The following CCDC7 variants were observed in gnomAD, a reference collection of about 807,000 sequenced individuals.
The protein encoded by CCDC7 is coiled-coil domain containing 7, also known as coiled-coil domain-containing protein 7.
CCDC7 carries 183 observed loss-of-function variants against 196.9 expected under a neutral mutation model. The observed-to-expected ratio is 0.93, with a 90% CI of 0.82 to 1.05. The LOEUF (loss-of-function observed/expected upper bound fraction) is 1.05. CCDC7 is among the 50% of genes least tolerant of loss of function. The pLI is 0.00. For missense variants in CCDC7, 1,540 were observed against 1,482.2 expected (o/e 1.04, Z -0.64); for synonymous variants, 525 against 484.6 (o/e 1.08, Z -1.10).
chr10:32,525,012 C>A (rs1363394258), intron 11 of CCDC7, among the ~76,000 whole-genome samples: 1 of 151,852 alleles, frequency 6.6e-6, no homozygotes, highest in Non-Finnish European at 1.5e-5. Flanking sequence ...TCTTAAAGTG[C>A]CCTCATGAGG....
chr10:32,542,349 A>G lies in CCDC7; in HGVS notation c.994-951A>G, dbSNP rs2051590352. Among the ~76,000 whole-genome samples, 5 of 152,282 alleles carry G rather than the reference A, an allele frequency of 3.3e-5. No homozygotes were observed. In the South Asian group the frequency reaches 1.0e-3, roughly 32 times the overall value. ...TGCAAAAACAATGAGTGAAAGCAGAAAGGCCGGGTGCAGTGTCTCGTGCCT... is the reference window on the plus strand; with the variant it reads ...TGCAAAAACAATGAGTGAAAGCAGAGAGGCCGGGTGCAGTGTCTCGTGCCT... On this transcript the variant is annotated intron_variant, in intron 11 of 41. Transcript: ENST00000639629.
chr10:32,590,727 T>C (rs911158288), intron 18 of CCDC7, among the ~76,000 whole-genome samples: 1 of 152,192 alleles, frequency 6.6e-6, no homozygotes, highest in Non-Finnish European at 1.5e-5. Context: ...TTTTCCTTTA[T>C]GCTTAAAGCA....
chr10:32,571,861 C>T, exon 16 of CCDC7: 1 of 1,567,346 alleles, frequency 6.4e-7, no homozygotes, highest in Middle Eastern at 1.7e-4. Context: ...TATCACAGAT[C>T]ACTGCCCAAA....
At chr10:32,527,757 T>C (rs2048898650) in intron 11 of CCDC7, among the ~76,000 whole-genome samples, 2 of 152,254 alleles carry the variant, frequency 1.3e-5, no homozygotes, top group South Asian at 4.2e-4. Context: ...ATCTGAGAAG[T>C]AGTCTGTTTT....
intron 29 of CCDC7, among the ~76,000 whole-genome samples, chr10:32,792,156 G>A (rs937889057): frequency 3.3e-5 from 5 of 152,024 alleles, no homozygotes; most frequent in Non-Finnish European, 5.9e-5. Flanking sequence ...AAAACGTGAG[G>A]GAATTTATTA....
At chr10:32,480,978 T>C (rs1214642134) in intron 8 of CCDC7, among the ~76,000 whole-genome samples, 2 of 152,208 alleles carry the variant, frequency 1.3e-5, no homozygotes, top group African/African-American at 4.8e-5. Context: ...TATTGCTGTC[T>C]ATCTCTCTCT....
chr10:32,776,281 TAA>T lies in CCDC7; in HGVS notation c.2906-2687_2906-2686del, dbSNP rs56752014. ...ATGTACCCTAAAACTTGAAGTATAA[TAA>T]AAAAAAAATCTAGATTTCTAGCTTC... On this transcript the variant is annotated intron_variant, in intron 28 of 41. Transcript: ENST00000639629. 7.4e-5 allele frequency among the ~76,000 whole-genome samples: 11 copies of T among 149,392 alleles called. No individual in the cohort carries two copies. In the East Asian group the frequency reaches 1.6e-3, roughly 21 times the overall value.
At chr10:32,801,997 T>C (rs1197808843) in intron 29 of CCDC7, among the ~76,000 whole-genome samples, 2 of 152,222 alleles carry the variant, frequency 1.3e-5, no homozygotes, top group South Asian at 4.1e-4. Flanking sequence ...GTCCTCACTT[T>C]AATAGTGGAT....
rs143900229 is a variant in CCDC7 at position 32,644,294 on chromosome 10, T to A, written c.2014+9136T>A. Among the ~76,000 whole-genome samples, 897 of 152,294 alleles carry A rather than the reference T, an allele frequency of 5.9e-3. 6 individuals carry two copies. Among genetic ancestry groups the A allele is most frequent in the Admixed American group, 9.9e-3 (151 of 15,300 alleles). On this transcript the variant is annotated intron_variant, in intron 20 of 41. Transcript: ENST00000639629. ...TACTGTGGAACAGAACACTAAAACT[T>A]CTTCTTCATGTCTAACTGTATCTGT...
At chr10:32,689,203 A>G in intron 23 of CCDC7, 40 bp downstream of exon 24, 1 of 1,325,054 alleles carries the variant, frequency 7.5e-7, no homozygotes, top group Non-Finnish European at 1.0e-6. Flanking sequence ...ATTATTTAAA[A>G]GTAAGTTCAT....
intron 25 of CCDC7, among the ~76,000 whole-genome samples, chr10:32,725,827 C>A (rs1454353783): frequency 2.6e-5 from 4 of 152,112 alleles, no homozygotes; most frequent in African/African-American, 7.2e-5. Context: ...CCCCCATGAC[C>A]CAAACACCTC....
At chr10:32,479,201 C>T (rs566720511) in intron 8 of CCDC7, among the ~76,000 whole-genome samples, 17 of 152,090 alleles carry the variant, frequency 1.1e-4, no homozygotes, top group Non-Finnish European at 1.6e-4. Flanking sequence ...CGTATTTGGA[C>T]ACCTTTTATT....
intron 24 of CCDC7, among the ~76,000 whole-genome samples, chr10:32,708,622 A>G (rs1022738346): frequency 2.0e-5 from 3 of 152,132 alleles, no homozygotes; most frequent in Non-Finnish European, 2.9e-5. Flanking sequence ...ACAAATTTAC[A>G]AGAAAAAATC....
Position 32,584,244 on chromosome 10 carries a change from G to A in CCDC7, c.1741G>A (p.Glu581Lys), listed in dbSNP as rs777821131. The change falls in exon 18 of 42, where the codon GAA (glutamate) becomes AAA (lysine). Residue 581 changes from glutamate (E) to lysine (K), a missense_variant. Physicochemically the swap from Glu to Lys is moderately conservative, Grantham distance 56. Coordinates refer to ENST00000639629, the Ensembl canonical transcript of CCDC7. ...TTTTGTTATTAAGGCTGATGTTTCA[G>A]AAGAACAATTACAAAAGATGACTGA... 6.3e-6 allele frequency: 10 copies of A among 1,585,076 alleles called. 1 individual carries two copies. In the Admixed American group the frequency reaches 1.7e-4, roughly 27 times the overall value.
rs74744141 is a variant in CCDC7, at chr10:32,602,693, A to T, written c.1801+18389A>T. On this transcript the variant is annotated intron_variant, in intron 18 of 41. Coordinates refer to ENST00000639629, the Ensembl canonical transcript of CCDC7. ...TGGGAAAGTTTCTTAAACTCTCTTTACCTCAGATTCCTTATCTAAAATGAA... is the reference window on the plus strand; with the variant it reads ...TGGGAAAGTTTCTTAAACTCTCTTTTCCTCAGATTCCTTATCTAAAATGAA... Among the ~76,000 whole-genome samples, 17 of 152,226 alleles carry T rather than the reference A, an allele frequency of 1.1e-4. No homozygotes were observed. The East Asian group carries it at 2.7e-3, about 24-fold the overall frequency.
chr10:32,657,161 G>A (rs575243505), intron 20 of CCDC7, among the ~76,000 whole-genome samples: 100 of 152,318 alleles, frequency 6.6e-4, no homozygotes, highest in East Asian at 1.7e-3. Context: ...GGCCTTGAGT[G>A]TCTCCAGCTT....
intron 28 of CCDC7, among the ~76,000 whole-genome samples, chr10:32,742,260 C>A (rs549875622): frequency 3.8e-4 from 58 of 152,136 alleles, no homozygotes; most frequent in African/African-American, 1.3e-3. Context: ...TTCTGCCATT[C>A]CCCCCACACA....
chr10:32,583,067 A>G, exon 17 of CCDC7: 1 of 1,231,430 alleles, frequency 8.1e-7, no homozygotes, highest in East Asian at 3.2e-5. Flanking sequence ...CTGCTATTTC[A>G]GATCTTTCAC....
chr10:32,687,925 A>C (rs1763785), intron 22 of CCDC7, among the ~76,000 whole-genome samples: 6 of 151,958 alleles, frequency 3.9e-5, no homozygotes, highest in Non-Finnish European at 1.5e-5. Context: ...CTTAGTGGGG[A>C]GTCCATCAAG....
Sources: allele counts gnomAD v4.1 joint callset (sites outside exome capture counted in the v4.1 genomes callset), GRCh38; gene constraint gnomAD v4.1.1; transcripts MANE v1.5; gene names NCBI Gene and HGNC (gene_info 2026-07-23, HGNC 2026-07-21).